Variants in PCDHA4 observed in about 807,000 individuals in gnomAD.
PCDHA4 encodes the protein protocadherin alpha-4.
In PCDHA4, 49 loss-of-function variants were observed where a neutral mutation model predicts 61.4. The observed-to-expected ratio is 0.80, with a 90% CI of 0.63 to 1.01. The LOEUF (loss-of-function observed/expected upper bound fraction) is 1.01. PCDHA4 is among the 50% of genes least tolerant of loss of function. The probability of loss-of-function intolerance (pLI) is 0.00; values close to 1 mark genes in which losing one functional copy is unlikely to be tolerated. For synonymous variants in PCDHA4, 590 were observed against 550.3 expected (o/e 1.07, Z -1.01); for missense variants, 1,254 against 1,235.8 (o/e 1.01, Z -0.22).
Position 140,822,954 on chromosome 5 carries a change from C to A in PCDHA4, c.2385+13382C>A, listed in dbSNP as rs1554128965. ...CCTGCTCCCTAATGCCCCACGTTCC[C>A]TTCAAGCTGGTGTCCACCTTCAAGA... On this transcript the variant is annotated intron_variant, in intron 1 of 3. Coordinates refer to ENST00000530339, the MANE Select transcript of PCDHA4 (RefSeq NM_018907.4). The A allele has an allele frequency of 2.5e-6, 4 of 1,614,140 alleles. No individual in the cohort carries two copies. In the East Asian group the frequency reaches 8.9e-5, roughly 36 times the overall value.
intron 1 of PCDHA4, chr5:140,852,643 C>A: frequency 2.1e-6 from 2 of 958,796 alleles, no homozygotes; most frequent in Non-Finnish European, 2.5e-6. Context: ...TGTCATTAAA[C>A]CTATCTATAT....
At chr5:140,999,004 A>T (rs2097842745) in intron 3 of PCDHA4, among the ~76,000 whole-genome samples, 1 of 152,258 alleles carries the variant, frequency 6.6e-6, no homozygotes, top group South Asian at 2.1e-4. Flanking sequence ...GCTGGAGCTG[A>T]GATTTGAACC....
intron 1 of PCDHA4, chr5:140,814,382 A>T (rs1263757403): frequency 6.6e-6 from 1 of 152,026 alleles, no homozygotes; most frequent in Non-Finnish European, 1.5e-5. Flanking sequence ...CTCCTATGAT[A>T]ACAATATCTT....
At chr5:140,884,033 C>T in intron 1 of PCDHA4, 1 of 1,613,402 alleles carries the variant, frequency 6.2e-7, no homozygotes, top group Non-Finnish European at 8.5e-7. Context: ...GGGTGCAGGC[C>T]ACGTGGTGGC....
At chr5:140,909,942 T>G (rs577556804) in intron 1 of PCDHA4, among the ~76,000 whole-genome samples, 1 of 152,304 alleles carries the variant, frequency 6.6e-6, no homozygotes, top group Non-Finnish European at 1.5e-5. Flanking sequence ...GTTACTCTGG[T>G]AAAAAGCCGT....
chr5:140,900,062 A>C (rs1221394657), intron 1 of PCDHA4, among the ~76,000 whole-genome samples: 1 of 152,138 alleles, frequency 6.6e-6, no homozygotes, highest in Non-Finnish European at 1.5e-5. Flanking sequence ...CTTTAACCTC[A>C]GCCTCCAAAA....
At chr5:140,836,903 T>C in intron 1 of PCDHA4, 1 of 590,556 alleles carries the variant, frequency 1.7e-6, no homozygotes, top group Non-Finnish European at 2.8e-6. Flanking sequence ...GTACGTTTAA[T>C]ATACACTTTT....
chr5:140,959,642 A>G (rs1352450996), intron 1 of PCDHA4, among the ~76,000 whole-genome samples: 7 of 152,230 alleles, frequency 4.6e-5, no homozygotes, highest in African/African-American at 1.7e-4. Flanking sequence ...GAAAAAACAC[A>G]GAAGCAAAAT....
chr5:140,830,545 C>T (rs2150187655), intron 1 of PCDHA4: 5 of 1,153,740 alleles, frequency 4.3e-6, no homozygotes, highest in Non-Finnish European at 5.9e-6. Flanking sequence ...TTGTTTTCCT[C>T]ATATTTGTCT....
chr5:140,850,879 C>A (rs2150501286), intron 1 of PCDHA4: 1 of 1,586,914 alleles, frequency 6.3e-7, no homozygotes, highest in South Asian at 1.1e-5. Context: ...TCCTCAGATT[C>A]AACTGGGAAG....
chr5:140,998,005 C>G (rs539275150), intron 3 of PCDHA4, among the ~76,000 whole-genome samples: 1 of 152,164 alleles, frequency 6.6e-6, no homozygotes, highest in South Asian at 2.1e-4. Flanking sequence ...TCTGAGCCTT[C>G]CATCCCCACC....
chr5:140,865,243 T>C (rs1554159328), intron 1 of PCDHA4: 1 of 152,228 alleles, frequency 6.6e-6, no homozygotes, highest in Non-Finnish European at 1.5e-5. Flanking sequence ...CACGTATTTA[T>C]AGCTGTAAGG....
intron 1 of PCDHA4, chr5:140,869,773 G>A (rs1554163437): frequency 6.2e-7 from 1 of 1,612,948 alleles, no homozygotes; most frequent in Non-Finnish European, 8.5e-7. Context: ...AGAGCTTACT[G>A]GCACCGTTCG....
intron 1 of PCDHA4, among the ~76,000 whole-genome samples, chr5:140,974,459 C>G (rs59098360): frequency 0.013 from 1,989 of 152,274 alleles, 54 homozygotes; most frequent in African/African-American, 0.046. Flanking sequence ...TGACTACATT[C>G]AGAGGAAAGT....
chr5:140,849,632 A>G lies in PCDHA4; in HGVS notation c.2385+40060A>G, dbSNP rs2150443246. On this transcript the variant is annotated intron_variant, in intron 1 of 3. Transcript: ENST00000530339. ...TGATTAGTGTGATCGACCTAGACGCAGATGCCAACGGGCAGGTTACCTGCT... is the reference window on the plus strand; with the variant it reads ...TGATTAGTGTGATCGACCTAGACGCGGATGCCAACGGGCAGGTTACCTGCT... The G allele has an allele frequency of 2.5e-6, 4 of 1,598,772 alleles. No homozygotes were observed. In the South Asian group the frequency reaches 4.4e-5, roughly 18 times the overall value.
At chr5:140,917,332 G>GC (rs1293292013) in intron 1 of PCDHA4, among the ~76,000 whole-genome samples, 1 of 145,540 alleles carries the variant, frequency 6.9e-6, no homozygotes, top group Non-Finnish European at 1.5e-5. Flanking sequence ...GGCGGGGGAG[G>GC]GGGGGGATGG....
chr5:140,946,219 G>T (rs2093905754), intron 1 of PCDHA4, among the ~76,000 whole-genome samples: 1 of 151,856 alleles, frequency 6.6e-6, no homozygotes, highest in African/African-American at 2.4e-5. Context: ...TGACCAACAG[G>T]TATACTAAAA....
chr5:140,892,534 T>C (rs1554185241), intron 1 of PCDHA4, among the ~76,000 whole-genome samples: 2 of 152,254 alleles, frequency 1.3e-5, no homozygotes, highest in African/African-American at 2.4e-5. Context: ...CTCAGGATTC[T>C]GACTTTTGTT....
chr5:140,845,764 A>C lies in PCDHA4; in HGVS notation c.2385+36192A>C, dbSNP rs2150380946. 2.6e-4 allele frequency among the ~76,000 whole-genome samples: 39 copies of C among 149,790 alleles called. 2 individuals carry two copies. Among genetic ancestry groups the C allele is most frequent in the African/African-American group, 9.3e-4 (38 of 40,978 alleles). ...TAGATTTATTTGTATCAAGTAAGTT[A>C]ATAGTTATAAATTATTAATAATAAA... On this transcript the variant is annotated intron_variant, in intron 1 of 3. Transcript: ENST00000530339.
Sources: gnomAD v4.1 joint callset for allele counts (sites outside exome capture counted in the v4.1 genomes callset) on GRCh38, gnomAD v4.1.1 for gene constraint, MANE v1.5 for transcripts, NCBI Gene and HGNC (gene_info 2026-07-23, HGNC 2026-07-21) for gene names.